Variants in PHACTR1 observed in about 807,000 individuals in gnomAD.
PHACTR1 encodes the protein phosphatase and actin regulator 1.
Under a neutral mutation model 69.2 loss-of-function variants are expected in PHACTR1, and 16 were observed. The observed-to-expected ratio is 0.23, with a 90% confidence interval of 0.16 to 0.35. PHACTR1 has a LOEUF of 0.35. Ranked by LOEUF, PHACTR1 falls within the 10% of genes least tolerant of loss-of-function variation. The probability of loss-of-function intolerance (pLI) is 1.00; values close to 1 mark genes in which losing one functional copy is unlikely to be tolerated. For missense variants in PHACTR1, 510 were observed against 734.7 expected, an observed-to-expected ratio of 0.69 and a Z score of 3.54; for synonymous variants, 312 against 284.5, an observed-to-expected ratio of 1.10 and a Z score of -0.97.
chr6:12,957,900 G>A (rs917210863), intron 4 of PHACTR1: 1 of 985,266 alleles, frequency 1.0e-6, no homozygotes, highest in East Asian at 1.1e-4. Context: ...ATGGGCGTGT[G>A]TAGCATGTGT....
chr6:12,872,952 CTCCT>C (rs937845029), intron 4 of PHACTR1, among the ~76,000 whole-genome samples: 13 of 150,518 alleles, frequency 8.6e-5, no homozygotes, highest in South Asian at 2.1e-4. Flanking sequence ...CTTTCTCGTT[CTCCT>C]TCCTTCCTTC....
At chr6:12,791,483 C>T (rs768164682) in intron 4 of PHACTR1, among the ~76,000 whole-genome samples, 6 of 152,138 alleles carry the variant, frequency 3.9e-5, no homozygotes, top group Non-Finnish European at 8.8e-5. Context: ...ATGGTGTCCT[C>T]AGAGTGAAGA....
intron 4 of PHACTR1, among the ~76,000 whole-genome samples, chr6:13,017,514 T>A (rs1317105209): frequency 6.6e-6 from 1 of 152,130 alleles, no homozygotes; most frequent in Admixed American, 6.6e-5. Context: ...ACCAGGTAGA[T>A]TAGAAGTTAT....
chr6:13,183,542 T>C (rs1267945784), intron 7 of PHACTR1, among the ~76,000 whole-genome samples: 1 of 151,948 alleles, frequency 6.6e-6, no homozygotes, highest in Non-Finnish European at 1.5e-5. Flanking sequence ...TTGACAATAA[T>C]AGTGTCCCTG....
intron 4 of PHACTR1, among the ~76,000 whole-genome samples, chr6:12,837,998 C>G (rs1237036810): frequency 1.3e-5 from 2 of 152,236 alleles, no homozygotes; most frequent in Non-Finnish European, 2.9e-5. Flanking sequence ...AAGCTCATGT[C>G]ATTGTCAGCA....
At chr6:12,846,603 C>G (rs2127750962) in intron 4 of PHACTR1, among the ~76,000 whole-genome samples, 1 of 152,108 alleles carries the variant, frequency 6.6e-6, no homozygotes, top group Non-Finnish European at 1.5e-5. Flanking sequence ...ACACTTGGCT[C>G]TTATTGAGCT....
At chr6:12,865,474 G>C (rs1014332476) in intron 4 of PHACTR1, among the ~76,000 whole-genome samples, 1 of 152,006 alleles carries the variant, frequency 6.6e-6, no homozygotes, top group African/African-American at 2.4e-5. Context: ...GTGTGTGTGT[G>C]TGTGTGCCTG....
In PHACTR1 at chr6:13,246,794, A is replaced by C. The variant is rs760067835; in HGVS notation, c.1391+16601A>C. On this transcript the variant is annotated intron_variant, in intron 10 of 14. Coordinates refer to ENST00000332995, the MANE Select transcript of PHACTR1 (RefSeq NM_030948.6). This position sits in a 1 kb window ranked among gnomAD's most constrained non-coding sequence, Gnocchi z 4.2. ...GAAATTTGCAGTACAGTTGTTCTTC[A>C]CGTGTCCCCATGTATCTTTGTTTAC... 6.6e-6 allele frequency among the ~76,000 whole-genome samples: 1 copy of C among 152,216 alleles called. No homozygotes were observed. The highest frequency in any genetic ancestry group is 1.5e-5 in the Non-Finnish European group (1 of 68,038).
intron 4 of PHACTR1, among the ~76,000 whole-genome samples, chr6:12,789,696 G>A (rs187801400): frequency 4.0e-5 from 6 of 151,702 alleles, no homozygotes; most frequent in South Asian, 2.1e-4. Flanking sequence ...ATCTTTCTGC[G>A]TACTTGGACT....
At position 13,227,799 on chromosome 6, in the gene PHACTR1, T is replaced by C. The variant is rs758499468; in HGVS notation, c.987-17T>C. On this transcript the variant is annotated splice_polypyrimidine_tract_variant and intron_variant, in intron 8 of 14. Coordinates refer to ENST00000332995, the MANE Select transcript of PHACTR1 (RefSeq NM_030948.6). The stretch of plus-strand genomic sequence containing the variant: ...TAGCCAAAGTGAATTTCCTCTTTCC[T>C]CCTTGTCTTTAAACAGCTCTGAGCA... 2 of 1,607,648 alleles carry C rather than the reference T, an allele frequency of 1.2e-6. No homozygotes were observed. Among genetic ancestry groups the C allele is most frequent in the African/African-American group, 1.3e-5 (1 of 74,612 alleles).
intron 3 of PHACTR1, among the ~76,000 whole-genome samples, chr6:12,729,588 T>C (rs1055426839): frequency 6.6e-6 from 1 of 151,986 alleles, no homozygotes; most frequent in Non-Finnish European, 1.5e-5. Flanking sequence ...CAGGCAGGGG[T>C]CATGGCACGT....
chr6:12,747,473 G>A (rs1168696104), intron 3 of PHACTR1, among the ~76,000 whole-genome samples: 2 of 151,894 alleles, frequency 1.3e-5, no homozygotes, highest in East Asian at 3.9e-4. Context: ...AGATCAGCCT[G>A]GACAACATAC....
intron 4 of PHACTR1, among the ~76,000 whole-genome samples, chr6:12,912,535 G>A (rs1314199613): frequency 6.6e-6 from 1 of 152,238 alleles, no homozygotes; most frequent in African/African-American, 2.4e-5. Flanking sequence ...TGCAAGGGAT[G>A]TAGATGTTAC....
intron 4 of PHACTR1, among the ~76,000 whole-genome samples, chr6:12,808,626 A>G (rs965712164): frequency 6.6e-6 from 1 of 152,258 alleles, no homozygotes; most frequent in Non-Finnish European, 1.5e-5. Context: ...TTAAAAAATC[A>G]GGTTATAAAA....
chr6:13,064,563 T>G (rs1416761288), intron 5 of PHACTR1, among the ~76,000 whole-genome samples: 3 of 2,312 alleles, frequency 1.3e-3, no homozygotes, highest in African/African-American at 3.0e-3. Context: ...TATATATATA[T>G]ATATATATAT....
In PHACTR1 at chr6:12,749,737, A is replaced by G; in HGVS notation, c.197A>G (p.Lys66Arg). The G allele has an allele frequency of 6.2e-7, 1 of 1,611,592 alleles. No individual in the cohort carries two copies. Among genetic ancestry groups the G allele is most frequent in the Non-Finnish European group, 8.5e-7 (1 of 1,179,394 alleles). The change falls in exon 4 of 15, where the codon AAG becomes AGG. Residue 66 changes from lysine to arginine, a missense_variant. Transcript: ENST00000332995. ...CGGCCCATCCGGAGAGTGCGCTCCA[A>G]GAGCGACACGCCGTACCTCGCAGAG... ...DRRPIRRVRS[K>R]SDTPYLAEAR...
intron 4 of PHACTR1, among the ~76,000 whole-genome samples, chr6:13,049,808 G>C (rs7767573): frequency 0.019 from 2,969 of 152,326 alleles, 88 homozygotes; most frequent in African/African-American, 0.065. Flanking sequence ...CTGAAGGCCA[G>C]TACAGGAAAT....
At chr6:12,888,054 C>G (rs1445735924) in intron 4 of PHACTR1, among the ~76,000 whole-genome samples, 1 of 111,264 alleles carries the variant, frequency 9.0e-6, no homozygotes. Flanking sequence ...GCCTGGGCAA[C>G]AGAGTGAGAC....
intron 6 of PHACTR1, among the ~76,000 whole-genome samples, chr6:13,163,639 G>A (rs775578620): frequency 2.0e-5 from 3 of 152,192 alleles, no homozygotes; most frequent in Non-Finnish European, 2.9e-5. Context: ...TTGTATCTCT[G>A]TGGATATTAA....
Sources: allele counts gnomAD v4.1 joint callset (sites outside exome capture counted in the v4.1 genomes callset), GRCh38; gene constraint gnomAD v4.1.1; non-coding constraint Gnocchi (gnomAD v3.1); transcripts MANE v1.5; gene names NCBI Gene and HGNC (gene_info 2026-07-23, HGNC 2026-07-21).